Variants in TPO observed in about 807,000 individuals in gnomAD.
The protein encoded by TPO is thyroid microsomal antigen.
A neutral mutation model predicts 96.9 loss-of-function variants in TPO; 78 were observed. That is an observed-to-expected ratio of 0.81 (90% CI 0.67 to 0.97). The LOEUF is 0.97. Ranked by LOEUF, TPO falls within the 50% of genes least tolerant of loss-of-function variation. The pLI is 0.00. For synonymous variants in TPO, 547 were observed against 538.0 expected, an observed-to-expected ratio of 1.02 and a Z score of -0.23; for missense variants, 1,252 against 1,274.8, an observed-to-expected ratio of 0.98 and a Z score of 0.27.
rs1553316781 is a variant in TPO at position 1,480,810 on chromosome 2, C to CGTCCACACCACGTCCCTGCTGCTGCGTCT, written c.1338+3211_1338+3239dup. 6.1e-3 allele frequency among the ~76,000 whole-genome samples: 737 copies of CGTCCACACCACGTCCCTGCTGCTGCGTCT among 120,492 alleles called. 26 individuals are homozygous for CGTCCACACCACGTCCCTGCTGCTGCGTCT. The highest frequency in any genetic ancestry group is 7.8e-3 in the Non-Finnish European group (410 of 52,542). The allele number at this position is 120,492 out of a possible 152,430, so 79.0% of individuals were successfully genotyped here. On this transcript the variant is annotated intron_variant, in intron 8 of 16. Transcript: ENST00000329066. ...CACACCACCTTCCTCCTGCTGCATC[C>CGTCCACACCACGTCCCTGCTGCTGCGTCT]GTCCACACCACGTCCCTGCTGCTGC...
intron 1 of TPO, among the ~76,000 whole-genome samples, chr2:1,382,972 A>C (rs9326162): frequency 0.11 from 16,026 of 147,924 alleles, 1,658 homozygotes; most frequent in African/African-American, 0.28. Context: ...GAGAACATAC[A>C]GTGTTTGGTT....
intron 6 of TPO, among the ~76,000 whole-genome samples, chr2:1,454,049 A>C (rs532287232): frequency 5.3e-5 from 8 of 152,192 alleles, no homozygotes; most frequent in Non-Finnish European, 1.2e-4. Flanking sequence ...CTGCAGATTT[A>C]AATTAAGTTT....
intron 8 of TPO, among the ~76,000 whole-genome samples, chr2:1,482,527 C>A (rs769226633): frequency 6.6e-6 from 1 of 152,156 alleles, no homozygotes; most frequent in Non-Finnish European, 1.5e-5. Context: ...CTGACAGCGA[C>A]GATGCCCCGG....
At chr2:1,534,848 A>C in intron 15 of TPO, among the ~76,000 whole-genome samples, 1 of 109,004 alleles carries the variant, frequency 9.2e-6, no homozygotes, top group South Asian at 3.2e-4. Flanking sequence ...CACTGTGTGT[A>C]ACCCCCCCAA....
At chr2:1,436,172 C>G (rs1173558271) in intron 4 of TPO, 80 bp from the exon 5 acceptor site, 2 of 1,609,532 alleles carry the variant, frequency 1.2e-6, no homozygotes, top group African/African-American at 2.7e-5. Flanking sequence ...GCTGGAGTCA[C>G]TTTTGAGACT....
chr2:1,450,071 G>A (rs559380200), intron 5 of TPO, among the ~76,000 whole-genome samples: 46 of 152,310 alleles, frequency 3.0e-4, no homozygotes, highest in Admixed American at 4.6e-4. Context: ...CCCGTGTCCC[G>A]CTGCTGCCCC....
chr2:1,450,544 G>A (rs188239784), intron 5 of TPO, among the ~76,000 whole-genome samples: 32 of 152,168 alleles, frequency 2.1e-4, no homozygotes, highest in Non-Finnish European at 7.3e-5. Context: ...GAAAGGAACA[G>A]TGTGGTACAA....
chr2:1,374,789 T>C (rs929791685), intron 1 of TPO, among the ~76,000 whole-genome samples: 1 of 150,850 alleles, frequency 6.6e-6, no homozygotes, highest in Non-Finnish European at 1.5e-5. Context: ...GTGCAATGGC[T>C]CGATCTCGGC....
chr2:1,422,022 C>T (rs575776630), intron 2 of TPO, among the ~76,000 whole-genome samples: 1 of 152,350 alleles, frequency 6.6e-6, no homozygotes, highest in Admixed American at 6.5e-5. Context: ...GGGAGCCCCA[C>T]ACCGGGGGGC....
chr2:1,486,034 G>A (rs1671129265), intron 9 of TPO, among the ~76,000 whole-genome samples: 1 of 152,120 alleles, frequency 6.6e-6, no homozygotes, highest in South Asian at 2.1e-4. Context: ...ACGGTTTTAG[G>A]TCTAACATTT....
intron 8 of TPO, among the ~76,000 whole-genome samples, chr2:1,479,194 G>C (rs533593835): frequency 9.9e-5 from 15 of 152,226 alleles, no homozygotes; most frequent in African/African-American, 3.4e-4. Flanking sequence ...GGCCACACGC[G>C]TGGGGAGGCA....
chr2:1,517,316 C>G (rs1409908022), intron 15 of TPO, among the ~76,000 whole-genome samples: 1 of 152,120 alleles, frequency 6.6e-6, no homozygotes, highest in Non-Finnish European at 1.5e-5. Context: ...AAAGGTTTCT[C>G]AGAGAAAAAA....
At chr2:1,493,137 G>T (rs1224601843) in intron 10 of TPO, among the ~76,000 whole-genome samples, 5 of 145,118 alleles carry the variant, frequency 3.4e-5, no homozygotes, top group African/African-American at 1.3e-4. Context: ...AGGAAGAAAA[G>T]ATCTCCAGTC....
intron 3 of TPO, 115 bp from the exon 4 acceptor site, chr2:1,433,323 A>T: frequency 2.2e-6 from 3 of 1,354,078 alleles, no homozygotes; most frequent in Middle Eastern, 2.0e-4. Flanking sequence ...AGTGCCTGTC[A>T]CATTGTCTGG....
At chr2:1,519,017 G>A (rs1048165579) in intron 15 of TPO, among the ~76,000 whole-genome samples, 1 of 152,180 alleles carries the variant, frequency 6.6e-6, no homozygotes, top group Non-Finnish European at 1.5e-5. Flanking sequence ...TGCTGAGCAG[G>A]CGAAGGCCAT....
chr2:1,517,946 C>T (rs527703792), intron 15 of TPO, among the ~76,000 whole-genome samples: 1 of 152,122 alleles, frequency 6.6e-6, no homozygotes, highest in African/African-American at 2.4e-5. Flanking sequence ...AGGCTCCCCC[C>T]CCCAATATGC....
At chr2:1,523,557 C>A (rs1321565858) in intron 15 of TPO, among the ~76,000 whole-genome samples, 5 of 139,128 alleles carry the variant, frequency 3.6e-5, no homozygotes, top group Non-Finnish European at 6.1e-5. Context: ...TCCCCAAATC[C>A]CCACCACTCT....
At chr2:1,497,991 CAA>C (rs543921082) in intron 13 of TPO, among the ~76,000 whole-genome samples, 7 of 87,268 alleles carry the variant, frequency 8.0e-5, no homozygotes, top group African/African-American at 2.4e-4. Flanking sequence ...CCCCATCTAC[CAA>C]AAAAAAAAAA....
At chr2:1,408,973 C>T (rs577499451), upstream of TPO, among the ~76,000 whole-genome samples, 134 of 152,288 alleles carry the variant, frequency 8.8e-4, 1 homozygote, top group Non-Finnish European at 9.8e-4. Flanking sequence ...AAGTCACCCC[C>T]GATGGCATGG....
Sources: gnomAD v4.1 joint callset for allele counts (sites outside exome capture counted in the v4.1 genomes callset) on GRCh38, gnomAD v4.1.1 for gene constraint, MANE v1.5 for transcripts, NCBI Gene and HGNC (gene_info 2026-07-23, HGNC 2026-07-21) for gene names.